The following SNED1 variants were observed in gnomAD, a reference collection of about 807,000 sequenced individuals.
SNED1 encodes the protein sushi, nidogen and EGF like domains 1.
Under a neutral mutation model 166.7 loss-of-function variants are expected in SNED1, and 81 were observed. The observed-to-expected ratio is 0.49, with a 90% CI of 0.41 to 0.58. SNED1 has a LOEUF of 0.58. Ranked by LOEUF, SNED1 falls within the 20% of genes least tolerant of loss-of-function variation. SNED1 has a pLI of 0.00. For synonymous variants in SNED1, 762 were observed against 822.0 expected (o/e 0.93, Z 1.25); for missense variants, 1,604 against 2,000.2 (o/e 0.80, Z 3.78).
intron 26 of SNED1, chr2:241,072,522 T>TC (rs749058878): frequency 9.1e-6 from 3 of 330,990 alleles, no homozygotes; most frequent in Non-Finnish European, 1.8e-5. Context: ...CTCATGGAAC[T>TC]CCCCAACAGA....
At chr2:241,041,250 C>A (rs968200691) in intron 8 of SNED1, 5 of 165,026 alleles carry the variant, frequency 3.0e-5, no homozygotes, top group Non-Finnish European at 6.6e-5. Context: ...TTCCGTGTCA[C>A]AGCTCACTTT....
In SNED1 at chr2:241,067,657, T is replaced by C. The variant is rs142126467; in HGVS notation, c.3011-107T>C. On this transcript the variant is annotated intron_variant, in intron 21 of 31. Coordinates refer to ENST00000310397, the MANE Select transcript of SNED1 (RefSeq NM_001080437.3). ...TTGATGGGACACCCTCTCCAGTGCC[T>C]CTCTGTGGCCCCCAGCACCCTCCCA... 4.5e-4 allele frequency: 396 copies of C among 877,240 alleles called. 3 individuals carry two copies. In the East Asian group the frequency reaches 8.9e-3, roughly 20 times the overall value. The allele number at this position is 877,240 out of a possible 1,614,324, so 54.3% of individuals were successfully genotyped here.
At chr2:241,058,848 G>C (rs1487110676) in intron 16 of SNED1, among the ~76,000 whole-genome samples, 1 of 152,116 alleles carries the variant, frequency 6.6e-6, no homozygotes, top group Non-Finnish European at 1.5e-5. Flanking sequence ...TACTCAGGAG[G>C]CTGAGGCAGG....
rs970859198 is a variant in SNED1 at position 241,049,922 on chromosome 2, A to G, written c.1724A>G (p.His575Arg). Reference sequence around the variant, plus strand: ...TGCCCGCGCGGGTTCCACGGCAAGCACTGCGAGAAAGGTATGGCGGGCAGG... The same window carrying G: ...TGCCCGCGCGGGTTCCACGGCAAGCGCTGCGAGAAAGGTATGGCGGGCAGG... Reference protein sequence around the residue: ...CECPRGFHGKHCEKARPHLCS... With the variant: ...CECPRGFHGKRCEKARPHLCS... Residue 575 changes from histidine (H) to arginine (R), a missense_variant, in exon 12 of 32, where the codon CAC (histidine) becomes CGC (arginine). By Grantham distance (29) the His-to-Arg change is conservative. This residue lies in a region of SNED1 where 1,237 missense variants were observed against 1,620.8 expected (regional missense o/e 0.76). Coordinates refer to ENST00000310397, the MANE Select transcript of SNED1 (RefSeq NM_001080437.3). 1.2e-6 allele frequency: 2 copies of G among 1,613,306 alleles called. No individual in the cohort carries two copies. The highest frequency in any genetic ancestry group is 1.7e-6 in the Non-Finnish European group (2 of 1,179,532).
intron 27 of SNED1, chr2:241,074,757 AGCT>A (rs936488206): frequency 3.9e-5 from 6 of 152,216 alleles, no homozygotes; most frequent in African/African-American, 1.2e-4. Context: ...CTCTCACGCT[AGCT>A]ACCTTTTATT....
intron 1 of SNED1, among the ~76,000 whole-genome samples, chr2:241,003,971 G>A (rs2060145866): frequency 6.6e-6 from 1 of 152,240 alleles, no homozygotes; most frequent in South Asian, 2.1e-4. Context: ...GAGTGAGCTG[G>A]AATAGGGCTG....
At position 241,052,053 on chromosome 2, in the gene SNED1, C is replaced by T; in HGVS notation, c.1865C>T (p.Ser622Leu). ...CTTCTGTTTCCAGGGAAGCCAGACT[C>T]GTGTGCCTCTGGCCCCTGTCACAAC... ...GRHCEIGKPD[S>L]CASGPCHNGG... Residue 622 changes from serine (S) to leucine (L), a missense_variant, in exon 14 of 32, where the codon TCG becomes TTG. By Grantham distance (145) the Ser-to-Leu change is moderately radical. Coordinates refer to ENST00000310397, the MANE Select transcript of SNED1 (RefSeq NM_001080437.3). 3 of 1,613,758 alleles carry T rather than the reference C, an allele frequency of 1.9e-6. No homozygotes were observed. Among genetic ancestry groups the T allele is most frequent in the South Asian group, 1.1e-5 (1 of 91,060 alleles).
chr2:241,084,284 C>T (rs983995364), intron 29 of SNED1, among the ~76,000 whole-genome samples: 1 of 152,056 alleles, frequency 6.6e-6, no homozygotes, highest in African/African-American at 2.4e-5. Context: ...TTACAGGCGC[C>T]TGCCACCACA....
Position 241,068,068 on chromosome 2 carries a change from C to T in SNED1, c.3194+121C>T. 1 of 947,196 alleles carries T rather than the reference C, an allele frequency of 1.1e-6. No homozygotes were observed. The highest frequency in any genetic ancestry group is 1.6e-5 in the African/African-American group (1 of 60,898). The allele number at this position is 947,196 out of a possible 1,614,324, so 58.7% of individuals were successfully genotyped here. On this transcript the variant is annotated intron_variant, in intron 22 of 31. Coordinates refer to ENST00000310397, the MANE Select transcript of SNED1 (RefSeq NM_001080437.3). The surrounding 1 kb of genome is among the most constrained non-coding windows in gnomAD (Gnocchi z 5.3). Reference sequence around the variant, plus strand: ...GGACTGTACCACCTGCCGCTCCTCACCTGAGCGGAGACAAAGGTCTCAGGT... The same window carrying T: ...GGACTGTACCACCTGCCGCTCCTCATCTGAGCGGAGACAAAGGTCTCAGGT...
chr2:241,002,937 C>G (rs890867703), intron 1 of SNED1, among the ~76,000 whole-genome samples: 1 of 152,008 alleles, frequency 6.6e-6, no homozygotes, highest in Non-Finnish European at 1.5e-5. Context: ...GACCACTTCC[C>G]AGCTGTCCAT....
chr2:241,031,478 T>C (rs527436899), intron 2 of SNED1, among the ~76,000 whole-genome samples: 1 of 152,378 alleles, frequency 6.6e-6, no homozygotes, highest in South Asian at 2.1e-4. Flanking sequence ...TTCTAGGCAC[T>C]GGGCAGACAG....
At chr2:241,007,386 C>T (rs2060250139) in intron 1 of SNED1, among the ~76,000 whole-genome samples, 1 of 152,232 alleles carries the variant, frequency 6.6e-6, no homozygotes, top group Admixed American at 6.5e-5. Flanking sequence ...TTGTTCGTTC[C>T]TTCAGTCCAA....
chr2:241,082,595 C>T (rs879298591), intron 29 of SNED1, among the ~76,000 whole-genome samples: 1 of 152,204 alleles, frequency 6.6e-6, no homozygotes, highest in Non-Finnish European at 1.5e-5. Flanking sequence ...CTGAGAAGAA[C>T]GCAGGCTCCT....
chr2:241,058,547 AAATT>A (rs757616731), intron 16 of SNED1, among the ~76,000 whole-genome samples: 4 of 152,258 alleles, frequency 2.6e-5, no homozygotes, highest in Non-Finnish European at 5.9e-5. Flanking sequence ...GATTACAACA[AAATT>A]AATTATGTGC....
intron 2 of SNED1, chr2:241,033,440 G>A (rs2061248408): frequency 3.0e-6 from 1 of 334,572 alleles, no homozygotes; most frequent in Non-Finnish European, 5.4e-6. Flanking sequence ...CTGGCTAAGG[G>A]CAGGGGACAG....
chr2:241,065,456 T>C lies in SNED1; in HGVS notation c.2871T>C (p.Phe957=), dbSNP rs1227656467. The C allele has an allele frequency of 2.5e-6, 4 of 1,612,938 alleles. No individual in the cohort carries two copies. Among genetic ancestry groups the C allele is most frequent in the Non-Finnish European group, 3.4e-6 (4 of 1,179,844 alleles). Residue 957 remains phenylalanine, a synonymous_variant, in exon 21 of 32, where the codon TTT becomes TTC. Coordinates refer to ENST00000310397, the MANE Select transcript of SNED1 (RefSeq NM_001080437.3). ...ACGGCTCCTACCGCCGCACAGACTT[T>C]GTGGACAGGACCCGCTCCTCGCACC... is the stretch of plus-strand genomic sequence containing the variant. ...SSDGSYRRTD[F]VDRTRSSHQL...
intron 6 of SNED1, among the ~76,000 whole-genome samples, chr2:241,037,588 C>T (rs770661951): frequency 6.6e-6 from 1 of 152,170 alleles, no homozygotes; most frequent in Non-Finnish European, 1.5e-5. Context: ...CCATGGCATT[C>T]GGACCAGGGA....
Position 241,094,293 on chromosome 2 carries a change from TAGCAGG to T in SNED1, c.*2659_*2664del. On this transcript the variant is annotated 3_prime_UTR_variant, in exon 32 of 32. Coordinates refer to ENST00000310397, the MANE Select transcript of SNED1 (RefSeq NM_001080437.3). This position sits in a 1 kb window ranked among gnomAD's most constrained non-coding sequence, Gnocchi z 4.3. ...TCAGCTCACCTCCTGCACCTCCCCT[TAGCAGG>T]AACTCCTTCCACTGGCAAAGGACTG... 1 of 469,460 alleles carries T rather than the reference TAGCAGG, an allele frequency of 2.1e-6. No homozygotes were observed. The highest frequency in any genetic ancestry group is 4.4e-6 in the Non-Finnish European group (1 of 226,860). The allele number at this position is 469,460 out of a possible 1,614,324, so 29.1% of individuals were successfully genotyped here. A position where few individuals can be genotyped will look rare whatever the true frequency, so the allele number is the denominator to read the frequency against.
At chr2:241,063,725 C>CA (rs1271226431) in intron 18 of SNED1, 25 bp downstream of exon 18, 1 of 1,471,730 alleles carries the variant, frequency 6.8e-7, no homozygotes. Context: ...CAGTGGGCCC[C>CA]ACATGCAGAG....
Sources: gnomAD v4.1 joint callset for allele counts (sites outside exome capture counted in the v4.1 genomes callset) on GRCh38, gnomAD v4.1.1 for gene constraint, gnomAD v4.1.1 regional missense constraint, Gnocchi (gnomAD v3.1) non-coding constraint, MANE v1.5 for transcripts, NCBI Gene and HGNC (gene_info 2026-07-23, HGNC 2026-07-21) for gene names.